Variants in MYH6 observed in about 807,000 individuals in gnomAD.
The protein encoded by MYH6 is myosin heavy chain 6.
Under a neutral mutation model 223.2 loss-of-function variants are expected in MYH6, and 126 were observed. The observed-to-expected ratio is 0.56, with a 90% CI of 0.49 to 0.65. The LOEUF is 0.65. MYH6 is among the 30% of genes least tolerant of loss of function. MYH6 has a pLI of 0.00. For missense variants in MYH6, 2,040 were observed against 2,536.4 expected, an observed-to-expected ratio of 0.80 and a Z score of 4.20; for synonymous variants, 978 against 1,010.2, an observed-to-expected ratio of 0.97 and a Z score of 0.61.
rs1566512487 is a variant in MYH6, at chr14:23,397,956, TTCTTC to T, written c.1892-348_1892-344del. 1.9e-4 allele frequency among the ~76,000 whole-genome samples: 20 copies of T among 107,028 alleles called. 2 individuals carry two copies. The highest frequency in any genetic ancestry group is 7.1e-4 in the South Asian group (2 of 2,806). 70.2% of individuals were successfully genotyped at this position (107,028 alleles called of 152,430 possible). The stretch of plus-strand genomic sequence containing the variant: ...CCTCTTCTTCTTCTTCTTCTTCTTC[TTCTTC>T]TTCTTCTTCTTCTTCTTCTTCTTCT... On this transcript the variant is annotated intron_variant, in intron 15 of 38. Transcript: ENST00000405093.
Position 23,387,773 on chromosome 14 carries a change from T to C in MYH6, c.4510A>G (p.Asn1504Asp). 1 of 1,614,000 alleles carries C rather than the reference T, an allele frequency of 6.2e-7. No individual in the cohort carries two copies. The highest frequency in any genetic ancestry group is 8.5e-7 in the Non-Finnish European group (1 of 1,180,000). The change falls in exon 31 of 39, where the codon AAC becomes GAC. Residue 1504 changes from asparagine to aspartate, a missense_variant. Physicochemically the swap from Asn to Asp is conservative, Grantham distance 23. Transcript: ENST00000405093. Reference sequence around the variant, plus strand: ...CCCAGCACACCCTGAAGGTTCTTGTTCTCCCGCTTGAAGGTCTCTAGGTGC... The same window carrying C: ...CCCAGCACACCCTGAAGGTTCTTGTCCTCCCGCTTGAAGGTCTCTAGGTGC... ...LEHLETFKRENKNLQEEISDL... is the reference protein window; with the variant it reads ...LEHLETFKREDKNLQEEISDL...
Position 23,387,751 on chromosome 14 carries a change from A to G in MYH6, c.4525+7T>C, listed in dbSNP as rs1487376355. ...CTCATCTCTGGCCTCTTGGACCCCC[A>G]GCACACCCTGAAGGTTCTTGTTCTC... On this transcript the variant is annotated splice_region_variant and intron_variant, in intron 31 of 38. Transcript: ENST00000405093. The G allele has an allele frequency of 6.2e-7, 1 of 1,613,662 alleles. No individual in the cohort carries two copies. The highest frequency in any genetic ancestry group is 1.3e-5 in the African/African-American group (1 of 74,778).
chr14:23,385,980 G>C lies in MYH6; in HGVS notation c.5111C>G (p.Ala1704Gly). 1 of 1,614,140 alleles carries C rather than the reference G, an allele frequency of 6.2e-7. No individual in the cohort carries two copies. Among genetic ancestry groups the C allele is most frequent in the South Asian group, 1.1e-5 (1 of 91,076 alleles). ...VEQTERSRKL[A>G]EQELIETSER... is the part of the protein sequence containing the mutation. Reference sequence around the variant, plus strand: ...GCTGGTCTCAATCAGCTCCTGCTCCGCCAGCTTCCGGGACCGCTCTGTCTG... The same window carrying C: ...GCTGGTCTCAATCAGCTCCTGCTCCCCCAGCTTCCGGGACCGCTCTGTCTG... Residue 1704 changes from alanine (A) to glycine (G), a missense_variant, in exon 34 of 39, where the codon GCG becomes GGG. This residue lies in a region of MYH6 where 1,203 missense variants were observed against 1,400.2 expected (regional missense o/e 0.86). Coordinates refer to ENST00000405093, the MANE Select transcript of MYH6 (RefSeq NM_002471.4).
Position 23,403,351 on chromosome 14 carries a change from G to C in MYH6, c.895C>G (p.Leu299Val). 1 of 1,613,746 alleles carries C rather than the reference G, an allele frequency of 6.2e-7. No homozygotes were observed. The highest frequency in any genetic ancestry group is 1.3e-5 in the African/African-American group (1 of 75,018). Residue 299 changes from leucine (L) to valine (V), a missense_variant, in exon 10 of 39, where the codon CTG becomes GTG. Around this residue, in one of 4 missense-constraint regions of MYH6, gnomAD observed 649 missense variants for 877.3 expected, o/e 0.74. Transcript: ENST00000405093. ...QILSNKKPELLDMLLVTNNPY... is the reference protein window; with the variant it reads ...QILSNKKPELVDMLLVTNNPY... ...GGGGGGTGGCAGGCAGGTTCACCCAGCAACTCCGGCTTCTTGTTGGACAGA... is the reference window on the plus strand; with the variant it reads ...GGGGGGTGGCAGGCAGGTTCACCCACCAACTCCGGCTTCTTGTTGGACAGA...
chr14:23,385,132 A>ATTT, intron 34 of MYH6, 91 bp from the exon 35 acceptor site: 3 of 1,427,700 alleles, frequency 2.1e-6, no homozygotes, highest in Non-Finnish European at 9.6e-7. Flanking sequence ...AAAGGTGGTC[A>ATTT]TTTTTTTTTT....
intron 22 of MYH6, 43 bp downstream of exon 22, chr14:23,393,623 T>A: frequency 6.2e-7 from 1 of 1,614,034 alleles, no homozygotes; most frequent in South Asian, 1.1e-5. Context: ...AGTCTGGGAG[T>A]CTTGAGGAGA....
chr14:23,386,405 G>C lies in MYH6; in HGVS notation c.4869C>G (p.Asp1623Glu). 1 of 1,614,166 alleles carries C rather than the reference G, an allele frequency of 6.2e-7. No homozygotes were observed. Residue 1623 changes from aspartate to glutamate, a missense_variant, in exon 33 of 39, where the codon GAC (aspartate) becomes GAG (glutamate). Coordinates refer to ENST00000405093, the MANE Select transcript of MYH6 (RefSeq NM_002471.4). ...TGAGCTGGATCTCCATCTCATTGAGGTCTCCTTCCATCTTCTTCTTCACCC... is the reference window on the plus strand; with the variant it reads ...TGAGCTGGATCTCCATCTCATTGAGCTCTCCTTCCATCTTCTTCTTCACCC... The part of the protein sequence containing the change: ...VLRVKKKMEG[D>E]LNEMEIQLSH...
chr14:23,390,728 C>T (rs1050907858), intron 25 of MYH6, among the ~76,000 whole-genome samples: 5 of 152,146 alleles, frequency 3.3e-5, no homozygotes, highest in African/African-American at 1.2e-4. Flanking sequence ...CATCTCAGAC[C>T]CAGTGTGAGC....
At position 23,390,274 on chromosome 14, in the gene MYH6, T is replaced by A. The variant is rs944098136; in HGVS notation, c.3515A>T (p.Glu1172Val). The A allele has an allele frequency of 3.8e-6, 6 of 1,593,534 alleles. No individual in the cohort carries two copies. The African/African-American group carries it at 4.0e-5, about 11-fold the overall frequency. The part of the protein sequence containing the change: ...QIEMNKKREA[E>V]FQKMRRDLEE... Reference sequence around the variant, plus strand: ...CAGGTCCCGCCGCATCTTCTGGAACTCGGCCTCGCGCTTCTTGTTCATCTC... The same window carrying A: ...CAGGTCCCGCCGCATCTTCTGGAACACGGCCTCGCGCTTCTTGTTCATCTC... Residue 1172 changes from glutamate (E) to valine (V), a missense_variant, in exon 26 of 39, where the codon GAG becomes GTG. Glu to Val is a moderately radical substitution (Grantham distance 121). Coordinates refer to ENST00000405093, the MANE Select transcript of MYH6 (RefSeq NM_002471.4).
chr14:23,397,964 C>CTTCTAT (rs1891471570), intron 15 of MYH6, among the ~76,000 whole-genome samples: 2 of 124,636 alleles, frequency 1.6e-5, no homozygotes, highest in Non-Finnish European at 3.4e-5. Flanking sequence ...TCTTCTTCTT[C>CTTCTAT]TTCTTCTTCT....
intron 3 of MYH6, among the ~76,000 whole-genome samples, chr14:23,406,189 C>T (rs1018949145): frequency 1.3e-5 from 2 of 152,160 alleles, no homozygotes; most frequent in Admixed American, 1.3e-4. Context: ...AAACCTTCAC[C>T]CCTGCTGGAA....
chr14:23,397,461 G>A, intron 16 of MYH6, 82 bp downstream of exon 16: 2 of 1,502,378 alleles, frequency 1.3e-6, no homozygotes, highest in Non-Finnish European at 1.9e-6. Context: ...TCAAACTCAA[G>A]CATCAGAATA....
rs781467923 is a variant in MYH6, at chr14:23,396,812, C to A, written c.2174G>T (p.Arg725Leu). 16 of 1,613,966 alleles carry A rather than the reference C, an allele frequency of 9.9e-6. No individual in the cohort carries two copies. Among genetic ancestry groups the A allele is most frequent in the Non-Finnish European group, 1.3e-5 (15 of 1,179,872 alleles). ...ILYGDFRQRY[R>L]ILNPVAIPEG... ...AGGGATGGCCACTGGGTTCAGGATG[C>A]GATACCTGAGGAGGGAAGTGTCCAG... Residue 725 changes from arginine (R) to leucine (L), a missense_variant, in exon 19 of 39, where the codon CGC becomes CTC. By Grantham distance (102) the Arg-to-Leu change is moderately radical (BLOSUM62 -2). Coordinates refer to ENST00000405093, the MANE Select transcript of MYH6 (RefSeq NM_002471.4).
intron 29 of MYH6, 30 bp downstream of exon 29, chr14:23,388,829 A>G (rs1347627879): frequency 6.2e-7 from 1 of 1,613,732 alleles, no homozygotes; most frequent in African/African-American, 1.3e-5. Context: ...CCTCTCTGAG[A>G]GTCAGGTTAA....
In MYH6 at chr14:23,393,026, A is replaced by G. The variant is rs781751934; in HGVS notation, c.3137T>C (p.Val1046Ala). The G allele has an allele frequency of 1.2e-6, 2 of 1,614,156 alleles. No individual in the cohort carries two copies. The highest frequency in any genetic ancestry group is 1.7e-5 in the Admixed American group (1 of 60,008). The change falls in exon 24 of 39, where the codon GTG (valine) becomes GCG (alanine). Residue 1046 changes from valine (V) to alanine (A), a missense_variant. By Grantham distance (64) the Val-to-Ala change is moderately conservative. This residue lies in a region of MYH6 where 1,203 missense variants were observed against 1,400.2 expected (regional missense o/e 0.86). Transcript: ENST00000405093. ...CTTTGCTCGCTCCAGGTCCATGCGC[A>G]CCTTCTTCTCTTGCTCTAGGGATCC... is the stretch of plus-strand genomic sequence containing the variant. ...LEGSLEQEKK[V>A]RMDLERAKRK...
At chr14:23,393,252 A>C (rs1323547545) in intron 23 of MYH6, 90 bp downstream of exon 23, 18 of 1,561,102 alleles carry the variant, frequency 1.2e-5, no homozygotes, top group Non-Finnish European at 1.5e-5. Context: ...GGGCCATAGA[A>C]GTTAATTCTA....
In MYH6 at chr14:23,405,840, C is replaced by T. The variant is rs1891770124; in HGVS notation, c.202-70G>A. 1.3e-6 allele frequency: 2 copies of T among 1,599,902 alleles called. No homozygotes were observed. The highest frequency in any genetic ancestry group is 4.5e-5 in the East Asian group (2 of 44,780). On this transcript the variant is annotated intron_variant, in intron 3 of 38. Coordinates refer to ENST00000405093, the MANE Select transcript of MYH6 (RefSeq NM_002471.4). This position sits in a 1 kb window ranked among gnomAD's most constrained non-coding sequence, Gnocchi z 4.7. ...CCGGGACCCTTGCCAGCACTGCCCA[C>T]TGACCTCCTCCCAGGACACAGGGAC...
chr14:23,403,842 T>C, intron 8 of MYH6, 64 bp from the exon 9 acceptor site: 1 of 1,414,014 alleles, frequency 7.1e-7, no homozygotes, highest in East Asian at 2.4e-5. Flanking sequence ...CCTGGCCCTC[T>C]GTTCAGCCCA....
Position 23,400,376 on chromosome 14 carries a change from C to T in MYH6, c.1461G>A (p.Gln487=). The change falls in exon 14 of 39, where the codon CAG becomes CAA. Residue 487 remains glutamine (Q), a synonymous_variant. Coordinates refer to ENST00000405093, the MANE Select transcript of MYH6 (RefSeq NM_002471.4). ...CGAACATGTGGTGGTTGAAGAACTG[C>T]TGCAGCTTCTCGTTGGTGAAGTTGA... The part of the protein sequence containing the change: ...LCINFTNEKL[Q]QFFNHHMFVL... 1 of 1,614,222 alleles carries T rather than the reference C, an allele frequency of 6.2e-7. No individual in the cohort carries two copies. The highest frequency in any genetic ancestry group is 8.5e-7 in the Non-Finnish European group (1 of 1,180,032).
Sources: gnomAD v4.1 joint callset for allele counts (sites outside exome capture counted in the v4.1 genomes callset) on GRCh38, gnomAD v4.1.1 for gene constraint, gnomAD v4.1.1 regional missense constraint, Gnocchi (gnomAD v3.1) non-coding constraint, MANE v1.5 for transcripts, NCBI Gene and HGNC (gene_info 2026-07-23, HGNC 2026-07-21) for gene names.